TMEM132D: variants seen among roughly 807,000 people sequenced by gnomAD.
The protein encoded by TMEM132D is transmembrane protein 132D, also known as mature OL transmembrane protein.
A neutral mutation model predicts 62.3 loss-of-function variants in TMEM132D; 21 were observed. The ratio of observed to expected loss-of-function variants is 0.34; its 90% CI spans 0.24 to 0.49. The LOEUF (loss-of-function observed/expected upper bound fraction) is 0.49, where lower values mean the gene tolerates loss of function less well. Ranked by LOEUF, TMEM132D falls within the 20% of genes least tolerant of loss-of-function variation. TMEM132D has a pLI of 0.99. For synonymous variants in TMEM132D, 621 were observed against 575.6 expected (o/e 1.08, Z -1.13); for missense variants, 1,346 against 1,402.8 (o/e 0.96, Z 0.65).
chr12:129,705,764 G>A (rs1881492719), intron 1 of TMEM132D, among the ~76,000 whole-genome samples: 1 of 152,030 alleles, frequency 6.6e-6, no homozygotes, highest in Non-Finnish European at 1.5e-5. Flanking sequence ...CAGATAGAGA[G>A]TTTCAAATAC....
intron 5 of TMEM132D, among the ~76,000 whole-genome samples, chr12:129,164,670 A>G (rs911874001): frequency 6.6e-6 from 1 of 152,208 alleles, no homozygotes; most frequent in Non-Finnish European, 1.5e-5. Context: ...GGCGGCAGGA[A>G]GAAGTGCTGA....
chr12:129,862,604 G>A (rs1378993692), intron 1 of TMEM132D, among the ~76,000 whole-genome samples: 1 of 152,144 alleles, frequency 6.6e-6, no homozygotes, highest in African/African-American at 2.4e-5. Context: ...ACATCCAAGG[G>A]CTGCATGTTG....
At chr12:129,647,479 T>A (rs1324448619) in intron 2 of TMEM132D, among the ~76,000 whole-genome samples, 1 of 152,184 alleles carries the variant, frequency 6.6e-6, no homozygotes, top group Non-Finnish European at 1.5e-5. Flanking sequence ...GCAGAACTGC[T>A]GGATCATGGA....
intron 3 of TMEM132D, among the ~76,000 whole-genome samples, chr12:129,412,086 A>G (rs529270112): frequency 1.3e-5 from 2 of 152,328 alleles, no homozygotes; most frequent in East Asian, 1.9e-4. Flanking sequence ...ATTAGCCAAG[A>G]TATCAGAAAA....
At chr12:129,898,064 T>A (rs1383810956) in intron 1 of TMEM132D, among the ~76,000 whole-genome samples, 1 of 152,230 alleles carries the variant, frequency 6.6e-6, no homozygotes, top group African/African-American at 2.4e-5. Context: ...CCATTGAGTT[T>A]ATCTGCAAAT....
At chr12:129,200,516 C>T (rs1878673754) in intron 5 of TMEM132D, among the ~76,000 whole-genome samples, 1 of 152,152 alleles carries the variant, frequency 6.6e-6, no homozygotes, top group African/African-American at 2.4e-5. Flanking sequence ...TGCAGCTTCT[C>T]CATTCCTGAG....
intron 3 of TMEM132D, among the ~76,000 whole-genome samples, chr12:129,499,583 G>A (rs1215843110): frequency 6.6e-6 from 1 of 152,188 alleles, no homozygotes; most frequent in Non-Finnish European, 1.5e-5. Flanking sequence ...ATGGAGTGGA[G>A]TCCCAGTGTG....
At chr12:129,374,022 A>T (rs1870703966) in intron 3 of TMEM132D, among the ~76,000 whole-genome samples, 1 of 152,240 alleles carries the variant, frequency 6.6e-6, no homozygotes, top group Non-Finnish European at 1.5e-5. Flanking sequence ...CATAAATGAA[A>T]GAAATAAAGA....
intron 3 of TMEM132D, among the ~76,000 whole-genome samples, chr12:129,380,703 C>T (rs1349696125): frequency 6.6e-6 from 1 of 152,116 alleles, no homozygotes; most frequent in Non-Finnish European, 1.5e-5. Context: ...TTTCCATAGT[C>T]ACCTCGCCCT....
intron 1 of TMEM132D, among the ~76,000 whole-genome samples, chr12:129,874,274 A>G (rs1874342190): frequency 1.3e-5 from 2 of 152,158 alleles, no homozygotes; most frequent in Non-Finnish European, 2.9e-5. Context: ...ATAAATACAT[A>G]CAATTTTTAC....
chr12:129,455,797 A>G (rs956784969), intron 3 of TMEM132D, among the ~76,000 whole-genome samples: 1 of 152,152 alleles, frequency 6.6e-6, no homozygotes, highest in East Asian at 1.9e-4. Flanking sequence ...ATGGGTTTAG[A>G]CCATATTAGA....
At chr12:129,525,734 C>T (rs766111618) in intron 3 of TMEM132D, among the ~76,000 whole-genome samples, 1 of 152,110 alleles carries the variant, frequency 6.6e-6, no homozygotes, top group South Asian at 2.1e-4. Context: ...GACATCACTG[C>T]GACGCACAGC....
intron 1 of TMEM132D, among the ~76,000 whole-genome samples, chr12:129,701,804 C>A (rs907857863): frequency 1.3e-5 from 2 of 152,200 alleles, no homozygotes; most frequent in East Asian, 3.9e-4. Flanking sequence ...ATGTAATTAT[C>A]TTTGATTACT....
intron 3 of TMEM132D, among the ~76,000 whole-genome samples, chr12:129,375,976 C>A (rs534681906): frequency 6.6e-6 from 1 of 152,178 alleles, no homozygotes; most frequent in Admixed American, 6.5e-5. Flanking sequence ...AGGAATCTTA[C>A]AAGCACCCAG....
chr12:129,100,431 A>T (rs1593260795), intron 5 of TMEM132D, among the ~76,000 whole-genome samples: 1 of 152,216 alleles, frequency 6.6e-6, no homozygotes, highest in African/African-American at 2.4e-5. Context: ...GGTTGGCTCC[A>T]GGCCATGCCT....
chr12:129,102,804 A>C (rs562105156), intron 5 of TMEM132D, among the ~76,000 whole-genome samples: 2 of 152,358 alleles, frequency 1.3e-5, no homozygotes, highest in Admixed American at 1.3e-4. Context: ...GATGAAGTTA[A>C]TACATGCTTC....
At position 129,733,170 on chromosome 12, in the gene TMEM132D, A is replaced by G. The variant is rs116714853; in HGVS notation, c.80-32472T>C. Among the ~76,000 whole-genome samples the G allele has an allele frequency of 7.0e-3, 1,066 of 152,262 alleles. 11 individuals are homozygous for G. The highest frequency in any genetic ancestry group is 0.025 in the African/African-American group (1,031 of 41,546). ...CATCCTACTGAATTATCAAACCTGA[A>G]GGGGTGTGGGAAGGCCCAGATTGTA... is the stretch of plus-strand genomic sequence containing the variant. On this transcript the variant is annotated intron_variant, in intron 1 of 8. Coordinates refer to ENST00000422113, the MANE Select transcript of TMEM132D (RefSeq NM_133448.3).
intron 3 of TMEM132D, among the ~76,000 whole-genome samples, chr12:129,423,205 C>T (rs1026427926): frequency 6.6e-6 from 1 of 152,110 alleles, no homozygotes; most frequent in Non-Finnish European, 1.5e-5. Context: ...CATTTAGAGT[C>T]ACATGTCTGA....
At chr12:129,582,628 T>A (rs1357248268) in intron 2 of TMEM132D, among the ~76,000 whole-genome samples, 2 of 151,586 alleles carry the variant, frequency 1.3e-5, no homozygotes, top group African/African-American at 4.8e-5. Context: ...TCTTTCTTTT[T>A]TTTTTTTTGA....
Sources: allele counts gnomAD v4.1 joint callset (sites outside exome capture counted in the v4.1 genomes callset), GRCh38; gene constraint gnomAD v4.1.1; transcripts MANE v1.5; gene names NCBI Gene and HGNC (gene_info 2026-07-23, HGNC 2026-07-21).